AUTS2: variants seen among roughly 807,000 people sequenced by gnomAD.
AUTS2 encodes activator of transcription and developmental regulator AUTS2.
Under a neutral mutation model 112.4 loss-of-function variants are expected in AUTS2, and 17 were observed. The ratio of observed to expected loss-of-function variants is 0.15; its 90% CI spans 0.10 to 0.23. The LOEUF is 0.23. AUTS2 is among the 10% of genes least tolerant of loss of function. The pLI, the probability that AUTS2 is intolerant of heterozygous loss-of-function variation, is 1.00. For missense variants in AUTS2, 1,510 were observed against 1,701.6 expected (o/e 0.89, Z 1.98); for synonymous variants, 751 against 702.7 (o/e 1.07, Z -1.09).
chr7:70,643,476 G>GC, intron 5 of AUTS2, among the ~76,000 whole-genome samples: 1 of 152,170 alleles, frequency 6.6e-6, no homozygotes, highest in Non-Finnish European at 1.5e-5. Context: ...GAGGCTGCAG[G>GC]AGGAGAATCG....
chr7:70,234,028 G>A lies in AUTS2; in HGVS notation c.660+99457G>A, dbSNP rs571381599. On this transcript the variant is annotated intron_variant, in intron 4 of 18. Coordinates refer to ENST00000342771, the MANE Select transcript of AUTS2 (RefSeq NM_015570.4). ...AGAGAAAACAAAGCTCATGGCTGAA[G>A]TCATCACACCTGAATACCATCTTGT... 5.9e-5 allele frequency among the ~76,000 whole-genome samples: 9 copies of A among 152,312 alleles called. No homozygotes were observed. The South Asian group carries it at 8.3e-4, about 14-fold the overall frequency.
At chr7:70,015,120 T>G (rs1347285343) in intron 2 of AUTS2, among the ~76,000 whole-genome samples, 2 of 152,222 alleles carry the variant, frequency 1.3e-5, no homozygotes, top group Non-Finnish European at 2.9e-5. Context: ...ATTTGGTGAC[T>G]AGTCTTTCCT....
chr7:69,914,204 T>C (rs2129542114), intron 2 of AUTS2, among the ~76,000 whole-genome samples: 1 of 152,278 alleles, frequency 6.6e-6, no homozygotes, highest in East Asian at 1.9e-4. Context: ...GCACATTGCC[T>C]GGCACACAGA....
intron 4 of AUTS2, among the ~76,000 whole-genome samples, chr7:70,341,780 T>C (rs971756175): frequency 4.6e-5 from 7 of 152,232 alleles, no homozygotes; most frequent in African/African-American, 1.7e-4. Context: ...TGTTAGTGAC[T>C]GATTATTTGA....
chr7:69,828,582 T>C (rs1377593352), intron 1 of AUTS2, among the ~76,000 whole-genome samples: 4 of 152,224 alleles, frequency 2.6e-5, no homozygotes, highest in African/African-American at 9.6e-5. Context: ...TTCAGTCTAG[T>C]GTATTATAAC....
rs567513353 is a variant in AUTS2 at position 70,642,524 on chromosome 7, T to C, written c.691-56045T>C. ...GAGTTTGCCTTGAATTTATTTCCAA[T>C]TGTGTCCTCAACCAGGTGTAAAGTC... On this transcript the variant is annotated intron_variant, in intron 5 of 18. Transcript: ENST00000342771. Among the ~76,000 whole-genome samples the C allele has an allele frequency of 6.5e-5, 9 of 139,510 alleles. 1 individual carries two copies. In the East Asian group the frequency reaches 1.7e-3, roughly 27 times the overall value. The allele number at this position is 139,510 out of a possible 152,430, so 91.5% of individuals were successfully genotyped here. A position where few individuals can be genotyped will look rare whatever the true frequency, so the allele number is the denominator to read the frequency against.
intron 4 of AUTS2, among the ~76,000 whole-genome samples, chr7:70,334,536 C>T (rs1790904949): frequency 6.6e-6 from 1 of 152,160 alleles, no homozygotes; most frequent in African/African-American, 2.4e-5. Context: ...AGGGCAGATT[C>T]TGAGTAGATC....
chr7:69,786,041 A>G (rs770031894), intron 1 of AUTS2, among the ~76,000 whole-genome samples: 1 of 152,190 alleles, frequency 6.6e-6, no homozygotes, highest in Non-Finnish European at 1.5e-5. Context: ...CATGTTGGCC[A>G]GGCTGGTCTC....
intron 4 of AUTS2, among the ~76,000 whole-genome samples, chr7:70,135,123 AC>A (rs1199426096): frequency 1.3e-5 from 2 of 151,998 alleles, no homozygotes; most frequent in African/African-American, 4.8e-5. Flanking sequence ...TTATTTCTGA[AC>A]CTTATTCTCT....
At chr7:70,214,795 CTT>C (rs1399955793) in intron 4 of AUTS2, among the ~76,000 whole-genome samples, 1 of 152,122 alleles carries the variant, frequency 6.6e-6, no homozygotes, top group Admixed American at 6.5e-5. Context: ...ATTTTCTAGA[CTT>C]ATTACTTTAT....
intron 4 of AUTS2, chr7:70,292,988 T>A (rs1434618812): frequency 6.6e-6 from 1 of 152,188 alleles, no homozygotes; most frequent in Non-Finnish European, 1.5e-5. Context: ...ATGCCCTCTA[T>A]CCCTGCTTTG....
chr7:70,287,022 C>T (rs1788490393), intron 4 of AUTS2, among the ~76,000 whole-genome samples: 1 of 152,172 alleles, frequency 6.6e-6, no homozygotes, highest in African/African-American at 2.4e-5. Flanking sequence ...AATCAAACTA[C>T]AAGACAATTA....
chr7:69,807,299 G>A lies in AUTS2; in HGVS notation c.310-91987G>A, dbSNP rs1790351926. On this transcript the variant is annotated intron_variant, in intron 1 of 18. Transcript: ENST00000342771. ...TTTGTTGAGTGTATTAGTTACATAT[G>A]GGGTAAAATTCTGATTTTTTAGGTG... Among the ~76,000 whole-genome samples the A allele has an allele frequency of 2.6e-5, 4 of 152,074 alleles. No individual in the cohort carries two copies. In the South Asian group the frequency reaches 8.3e-4, roughly 32 times the overall value.
intron 2 of AUTS2, among the ~76,000 whole-genome samples, chr7:69,927,755 C>T (rs896367536): frequency 4.6e-5 from 7 of 152,240 alleles, no homozygotes; most frequent in East Asian, 1.9e-4. Flanking sequence ...GCACAGGTAC[C>T]GGCCCCATGT....
At chr7:69,932,263 A>G (rs1392118948) in intron 2 of AUTS2, among the ~76,000 whole-genome samples, 1 of 152,108 alleles carries the variant, frequency 6.6e-6, no homozygotes, top group East Asian at 1.9e-4. Flanking sequence ...GTTGCTGAAA[A>G]ATCCAGCTCT....
intron 4 of AUTS2, among the ~76,000 whole-genome samples, chr7:70,242,296 C>T (rs1812655975): frequency 6.6e-6 from 1 of 152,088 alleles, no homozygotes; most frequent in African/African-American, 2.4e-5. Context: ...GATAAGTGAC[C>T]ATCCAGCCTG....
intron 5 of AUTS2, among the ~76,000 whole-genome samples, chr7:70,654,990 A>G (rs1276687731): frequency 6.6e-6 from 1 of 152,246 alleles, no homozygotes; most frequent in South Asian, 2.1e-4. Flanking sequence ...CCCCAAGTGC[A>G]CTGCAAGTTG....
At chr7:69,669,366 A>G (rs1328737239) in intron 1 of AUTS2, among the ~76,000 whole-genome samples, 1 of 151,784 alleles carries the variant, frequency 6.6e-6, no homozygotes, top group Non-Finnish European at 1.5e-5. Flanking sequence ...ATGTGTGTGT[A>G]TATATATATA....
chr7:70,409,373 TAACTC>T (rs1794680039), intron 4 of AUTS2, among the ~76,000 whole-genome samples: 1 of 152,176 alleles, frequency 6.6e-6, no homozygotes, highest in Non-Finnish European at 1.5e-5. Context: ...GTATGTATAA[TAACTC>T]ATAGCAAATG....
Sources: gnomAD v4.1 joint callset for allele counts (sites outside exome capture counted in the v4.1 genomes callset) on GRCh38, gnomAD v4.1.1 for gene constraint, MANE v1.5 for transcripts, NCBI Gene and HGNC (gene_info 2026-07-23, HGNC 2026-07-21) for gene names.